Variants in SLC35F6 observed in about 807,000 individuals in gnomAD.
The protein encoded by SLC35F6 is ANT2-binding protein.
SLC35F6 carries 26 observed loss-of-function variants against 29.4 expected under a neutral mutation model. The ratio of observed to expected loss-of-function variants is 0.89; its 90% CI spans 0.65 to 1.23. The LOEUF (loss-of-function observed/expected upper bound fraction) is 1.23. Among genes scored for constraint, SLC35F6 ranks in the 50% most tolerant of loss-of-function variants. The pLI is 0.00. For missense variants in SLC35F6, 428 were observed against 487.8 expected, an observed-to-expected ratio of 0.88 and a Z score of 1.15; for synonymous variants, 174 against 206.6, an observed-to-expected ratio of 0.84 and a Z score of 1.35.
chr2:26,767,742 G>A (rs887145618), intron 1 of SLC35F6, among the ~76,000 whole-genome samples: 1 of 152,188 alleles, frequency 6.6e-6, no homozygotes, highest in African/African-American at 2.4e-5. Flanking sequence ...TGGGCACTGT[G>A]GCTCCAGCTT....
chr2:26,767,597 C>T (rs1433502068), intron 1 of SLC35F6, among the ~76,000 whole-genome samples: 1 of 152,208 alleles, frequency 6.6e-6, no homozygotes, highest in Non-Finnish European at 1.5e-5. Context: ...CTCACTAGCA[C>T]CTTCTGTCGA....
chr2:26,775,507 T>C lies in SLC35F6; in HGVS notation c.366T>C (p.Gly122=). 6.2e-7 allele frequency: 1 copy of C among 1,612,306 alleles called. No individual in the cohort carries two copies. The highest frequency in any genetic ancestry group is 1.1e-5 in the South Asian group (1 of 91,016). Residue 122 remains glycine, a synonymous_variant, in exon 4 of 6, where the codon GGT becomes GGC. Coordinates refer to ENST00000344420, the MANE Select transcript of SLC35F6 (RefSeq NM_017877.4). The surrounding 1 kb of genome is among the most constrained non-coding windows in gnomAD (Gnocchi z 4.6). ...TSASSFQMLR[G]AVIIFTGLFS... ...CCTCCAGCTTCCAGATGCTGCGGGG[T>C]GCAGTGATCATATTCACTGGCCTGT...
At chr2:26,774,190 C>T in intron 1 of SLC35F6, 61 bp from the exon 2 acceptor site, 1 of 1,601,610 alleles carries the variant, frequency 6.2e-7, no homozygotes, top group South Asian at 1.1e-5. Context: ...AGGTGTGAGC[C>T]TCTTCACTAG....
rs1282888487 is a variant in SLC35F6 at position 26,775,050 on chromosome 2, G to A, written c.157G>A (p.Gly53Ser). 6.2e-7 allele frequency: 1 copy of A among 1,613,484 alleles called. No individual in the cohort carries two copies. Among genetic ancestry groups the A allele is most frequent in the African/African-American group, 1.3e-5 (1 of 74,980 alleles). Residue 53 changes from glycine (G) to serine (S), a missense_variant, in exon 3 of 6, where the codon GGC becomes AGC. Physicochemically the swap from Gly to Ser is moderately conservative, Grantham distance 56. Coordinates refer to ENST00000344420, the MANE Select transcript of SLC35F6 (RefSeq NM_017877.4). The surrounding 1 kb of genome is among the most constrained non-coding windows in gnomAD (Gnocchi z 4.6). ...CGGGTTTTCATCCCTGCAGGCAGTG[G>A]GCATGTTCCTGGGAGAATTCTCCTG... ...SFQHPFLQAV[G>S]MFLGEFSCLA... is the part of the protein sequence containing the mutation.
Position 26,776,258 on chromosome 2 carries a change from A to G in SLC35F6, c.536-114A>G, listed in dbSNP as rs547288669. The G allele has an allele frequency of 1.5e-4, 127 of 841,580 alleles. 2 individuals are homozygous for G. The South Asian group carries it at 2.0e-3, about 13-fold the overall frequency. The allele number at this position is 841,580 out of a possible 1,614,324, so 52.1% of individuals were successfully genotyped here. A position where few individuals can be genotyped will look rare whatever the true frequency, so the allele number is the denominator to read the frequency against. On this transcript the variant is annotated intron_variant, in intron 4 of 5. Coordinates refer to ENST00000344420, the MANE Select transcript of SLC35F6 (RefSeq NM_017877.4). ...GCAGTGGTGACTGTGCCTATGAACT[A>G]TAGGGGGCCCTGCAGAGGTCAGGGG...
chr2:26,779,288 A>G lies in SLC35F6; in HGVS notation c.*777A>G, dbSNP rs1366041348. On this transcript the variant is annotated 3_prime_UTR_variant, in exon 6 of 6. Coordinates refer to ENST00000344420, the MANE Select transcript of SLC35F6 (RefSeq NM_017877.4). ...ATCCTCCCTAAACCCGTCTGGAGAC[A>G]TGGGTTTTAGCCCAGACTCTGCCTC... is the stretch of plus-strand genomic sequence containing the variant. 2 of 152,198 alleles carry G rather than the reference A, an allele frequency of 1.3e-5. No individual in the cohort carries two copies. The highest frequency in any genetic ancestry group is 1.5e-5 in the Non-Finnish European group (1 of 68,072). 9.4% of individuals were successfully genotyped at this position (152,198 alleles called of 1,614,324 possible).
chr2:26,778,204 T>A lies in SLC35F6; in HGVS notation c.809T>A (p.Ile270Asn). ...PLIAVALLGN[I>N]SSIAFFNFAG... ...ATTGCCGTGGCACTGCTGGGCAACA[T>A]CAGCAGCATTGCCTTCTTCAACTTC... The change falls in exon 6 of 6, where the codon ATC becomes AAC. Residue 270 changes from isoleucine to asparagine, a missense_variant. Coordinates refer to ENST00000344420, the MANE Select transcript of SLC35F6 (RefSeq NM_017877.4). The A allele has an allele frequency of 6.2e-7, 1 of 1,614,148 alleles. No individual in the cohort carries two copies. Among genetic ancestry groups the A allele is most frequent in the Non-Finnish European group, 8.5e-7 (1 of 1,180,012 alleles).
intron 2 of SLC35F6, 50 bp from the exon 3 acceptor site, chr2:26,774,993 AT>A (rs1241421964): frequency 6.5e-7 from 1 of 1,543,556 alleles, no homozygotes; most frequent in Admixed American, 2.1e-5. Context: ...GTTAAAGATG[AT>A]CCCCGAGATC....
chr2:26,767,483 C>T (rs1664115290), intron 1 of SLC35F6, among the ~76,000 whole-genome samples: 2 of 152,184 alleles, frequency 1.3e-5, no homozygotes, highest in African/African-American at 2.4e-5. Flanking sequence ...TGTGCTGGGG[C>T]GGCAGGTCAG....
intron 2 of SLC35F6, among the ~76,000 whole-genome samples, chr2:26,774,795 G>T (rs1664266346): frequency 6.6e-6 from 1 of 152,138 alleles, no homozygotes; most frequent in African/African-American, 2.4e-5. Context: ...TTGACTAGGG[G>T]TTGGCCTAGA....
intron 5 of SLC35F6, 61 bp downstream of exon 5, chr2:26,776,543 A>AC: frequency 6.7e-7 from 1 of 1,494,658 alleles, no homozygotes; most frequent in Non-Finnish European, 9.3e-7. Context: ...GGAGCTGAGC[A>AC]CAGGACAAGG....
In SLC35F6 at chr2:26,778,140, G is replaced by T. The variant is rs1355854057; in HGVS notation, c.745G>T (p.Ala249Ser). Residue 249 changes from alanine (A) to serine (S), a missense_variant, in exon 6 of 6, where the codon GCA becomes TCA. Physicochemically the swap from Ala to Ser is moderately conservative, Grantham distance 99. Coordinates refer to ENST00000344420, the MANE Select transcript of SLC35F6 (RefSeq NM_017877.4). The part of the protein sequence containing the change: ...SGNPRGTLED[A>S]LDAFCQVGQQ... ...AAACCCTCGTGGGACACTGGAGGATGCATTGGACGCCTTCTGCCAGGTGGG... is the reference window on the plus strand; with the variant it reads ...AAACCCTCGTGGGACACTGGAGGATTCATTGGACGCCTTCTGCCAGGTGGG... The T allele has an allele frequency of 6.2e-7, 1 of 1,614,114 alleles. No individual in the cohort carries two copies. Among genetic ancestry groups the T allele is most frequent in the Non-Finnish European group, 8.5e-7 (1 of 1,180,050 alleles).
intron 1 of SLC35F6, among the ~76,000 whole-genome samples, chr2:26,768,834 C>T (rs547042211): frequency 6.6e-6 from 1 of 151,914 alleles, no homozygotes; most frequent in African/African-American, 2.4e-5. Flanking sequence ...GTAGAGACAG[C>T]GTCTTGCCAT....
At position 26,775,217 on chromosome 2, in the gene SLC35F6, T is replaced by A. The variant is rs1356785963; in HGVS notation, c.322+2T>A. The A allele has an allele frequency of 1.2e-6, 2 of 1,612,474 alleles. No homozygotes were observed. Among genetic ancestry groups the A allele is most frequent in the Non-Finnish European group, 1.7e-6 (2 of 1,179,004 alleles). On this transcript the variant is annotated splice_donor_variant, in intron 3 of 5. Transcript: ENST00000344420. LOFTEE classifies it high-confidence loss of function. This position sits in a 1 kb window ranked among gnomAD's most constrained non-coding sequence, Gnocchi z 4.6. The stretch of plus-strand genomic sequence containing the variant: ...CAGGGACCAGCCTCATGTATGTGGG[T>A]GAGTAACCAGGCCAGGCTGAGAAGG...
At chr2:26,776,570 T>G (rs930637086) in intron 5 of SLC35F6, 88 bp downstream of exon 5, 27 of 1,224,058 alleles carry the variant, frequency 2.2e-5, no homozygotes, top group East Asian at 4.8e-5. Context: ...GGTTCACTTG[T>G]GGGGGGTGAA....
rs759609073 is a variant in SLC35F6, at chr2:26,778,178, C to T, written c.783C>T (p.Leu261=). 12 of 1,614,072 alleles carry T rather than the reference C, an allele frequency of 7.4e-6. No individual in the cohort carries two copies. The highest frequency in any genetic ancestry group is 2.2e-5 in the East Asian group (1 of 44,894). Residue 261 remains leucine (L), a synonymous_variant, in exon 6 of 6, where the codon CTC becomes CTT. Coordinates refer to ENST00000344420, the MANE Select transcript of SLC35F6 (RefSeq NM_017877.4). ...DAFCQVGQQP[L]IAVALLGNIS... Reference sequence around the variant, plus strand: ...TCTGCCAGGTGGGCCAGCAGCCGCTCATTGCCGTGGCACTGCTGGGCAACA... The same window carrying T: ...TCTGCCAGGTGGGCCAGCAGCCGCTTATTGCCGTGGCACTGCTGGGCAACA...
chr2:26,773,981 G>A (rs1458456648), intron 1 of SLC35F6, among the ~76,000 whole-genome samples: 1 of 152,216 alleles, frequency 6.6e-6, no homozygotes, highest in Non-Finnish European at 1.5e-5. Flanking sequence ...AGTGATGAGT[G>A]TAAATGATAC....
At chr2:26,773,723 A>G (rs1288975946) in intron 1 of SLC35F6, among the ~76,000 whole-genome samples, 1 of 150,292 alleles carries the variant, frequency 6.7e-6, no homozygotes, top group Non-Finnish European at 1.5e-5. Flanking sequence ...AGTGAGTCTC[A>G]TGCCTCAGCC....
intron 1 of SLC35F6, among the ~76,000 whole-genome samples, chr2:26,772,454 C>T (rs1664215293): frequency 6.6e-6 from 1 of 152,196 alleles, no homozygotes; most frequent in Non-Finnish European, 1.5e-5. Context: ...GGGAGCAGGT[C>T]GGTGGCCCAC....
Sources: allele counts gnomAD v4.1 joint callset (sites outside exome capture counted in the v4.1 genomes callset), GRCh38; gene constraint gnomAD v4.1.1; non-coding constraint Gnocchi (gnomAD v3.1); transcripts MANE v1.5; gene names NCBI Gene and HGNC (gene_info 2026-07-23, HGNC 2026-07-21).